The following PCDH15 variants were observed in gnomAD, a reference collection of about 807,000 sequenced individuals.
PCDH15 encodes the protein protocadherin related 15.
In PCDH15, 129 loss-of-function variants were observed where a neutral mutation model predicts 178.5. That is an observed-to-expected ratio of 0.72 (90% CI 0.63 to 0.84). The LOEUF (loss-of-function observed/expected upper bound fraction) is 0.84, where lower values mean the gene tolerates loss of function less well. PCDH15 is among the 40% of genes least tolerant of loss of function. The probability of loss-of-function intolerance (pLI) is 0.00; values close to 1 mark genes in which losing one functional copy is unlikely to be tolerated. For synonymous variants in PCDH15, 800 were observed against 732.0 expected (o/e 1.09, Z -1.50); for missense variants, 2,230 against 2,099.9 (o/e 1.06, Z -1.21).
intron 14 of PCDH15, 150 bp from the exon 15 acceptor site, chr10:54,133,157 A>C: frequency 1.1e-6 from 1 of 918,230 alleles, no homozygotes; most frequent in Admixed American, 2.2e-5. Flanking sequence ...GGATAGAAAA[A>C]ACTACCACCA....
intron 2 of PCDH15, chr10:54,641,214 A>G (rs2093979874): frequency 1.3e-5 from 2 of 157,748 alleles, no homozygotes; most frequent in African/African-American, 4.8e-5. Context: ...GAACATCATC[A>G]TAAAACAATT....
At chr10:54,377,048 A>T (rs868292147) in intron 4 of PCDH15, among the ~76,000 whole-genome samples, 15 of 152,142 alleles carry the variant, frequency 9.9e-5, no homozygotes, top group South Asian at 2.1e-4. Flanking sequence ...ATTTGTTTGC[A>T]TTATAATTTT....
chr10:55,331,191 A>T (rs1485606053), intron 2 of PCDH15, among the ~76,000 whole-genome samples: 2 of 151,884 alleles, frequency 1.3e-5, no homozygotes, highest in Non-Finnish European at 2.9e-5. Flanking sequence ...TAGTGTCACC[A>T]TCTGAGTGTA....
chr10:54,949,874 T>C (rs1377497260), intron 2 of PCDH15, among the ~76,000 whole-genome samples: 1 of 151,952 alleles, frequency 6.6e-6, no homozygotes, highest in Admixed American at 6.6e-5. Context: ...TCCTCATCTC[T>C]ATATGAGACC....
At chr10:55,225,654 A>T (rs1592002188) in intron 1 of PCDH15, among the ~76,000 whole-genome samples, 1 of 150,638 alleles carries the variant, frequency 6.6e-6, no homozygotes, top group African/African-American at 2.4e-5. Flanking sequence ...TGTGTGTGAG[A>T]GAGAGAGAGA....
chr10:54,853,386 T>TACATATATATACACAC (rs1953675802), intron 3 of PCDH15, among the ~76,000 whole-genome samples: 1 of 79,132 alleles, frequency 1.3e-5, no homozygotes, highest in South Asian at 4.7e-4. Context: ...TACACATACA[T>TACATATATATACACAC]ACATATATAT....
intron 2 of PCDH15, among the ~76,000 whole-genome samples, chr10:55,020,074 G>C (rs769097488): frequency 6.7e-6 from 1 of 149,108 alleles, no homozygotes; most frequent in Non-Finnish European, 1.5e-5. Context: ...AAATCGTAGT[G>C]GATTAATATT....
chr10:54,509,172 G>C (rs1452375702), intron 3 of PCDH15, among the ~76,000 whole-genome samples: 1 of 151,868 alleles, frequency 6.6e-6, no homozygotes, highest in African/African-American at 2.4e-5. Context: ...AGTTTGATAT[G>C]GTTTCTCTGT....
intron 9 of PCDH15, among the ~76,000 whole-genome samples, chr10:54,219,801 T>C (rs2052581450): frequency 1.3e-5 from 2 of 151,964 alleles, no homozygotes; most frequent in Admixed American, 1.3e-4. Flanking sequence ...AGGATTGTTA[T>C]ACTTTTTATT....
chr10:54,528,966 G>A (rs1336572728), intron 2 of PCDH15, among the ~76,000 whole-genome samples: 2 of 151,880 alleles, frequency 1.3e-5, no homozygotes, highest in East Asian at 3.9e-4. Flanking sequence ...AGGCAGAGAG[G>A]GCTATGTCAT....
intron 9 of PCDH15, among the ~76,000 whole-genome samples, chr10:54,231,816 G>A (rs1185084837): frequency 6.6e-6 from 1 of 152,178 alleles, no homozygotes; most frequent in Non-Finnish European, 1.5e-5. Flanking sequence ...ACTTCCATGG[G>A]GACTGTAGAC....
intron 19 of PCDH15, among the ~76,000 whole-genome samples, chr10:54,022,459 A>G (rs1399167798): frequency 8.5e-6 from 1 of 117,340 alleles, no homozygotes; most frequent in Admixed American, 9.3e-5. Context: ...AACCCACACA[A>G]ATTCATATAT....
intron 35 of PCDH15, among the ~76,000 whole-genome samples, chr10:53,814,679 A>C (rs2075996731): frequency 6.6e-6 from 1 of 152,010 alleles, no homozygotes; most frequent in Non-Finnish European, 1.5e-5. Context: ...AAATTTGAGG[A>C]AAGAGCCCGG....
intron 25 of PCDH15, among the ~76,000 whole-genome samples, chr10:53,905,397 G>A (rs561338609): frequency 8.5e-5 from 13 of 152,206 alleles, no homozygotes; most frequent in Middle Eastern, 3.4e-3. Context: ...GCAGTGGCAC[G>A]ATCTCGGCTC....
intron 2 of PCDH15, among the ~76,000 whole-genome samples, chr10:54,909,922 T>C (rs1437034931): frequency 3.3e-5 from 5 of 152,054 alleles, no homozygotes; most frequent in African/African-American, 1.2e-4. Context: ...CAGGGGGGTC[T>C]CAGGGGAAGG....
chr10:54,857,361 A>G (rs1251100098), intron 3 of PCDH15, among the ~76,000 whole-genome samples: 1 of 152,254 alleles, frequency 6.6e-6, no homozygotes, highest in African/African-American at 2.4e-5. Flanking sequence ...TCATTTAATA[A>G]TGGCTGAATC....
At chr10:54,462,984 A>C (rs1052530068) in intron 3 of PCDH15, among the ~76,000 whole-genome samples, 1 of 152,144 alleles carries the variant, frequency 6.6e-6, no homozygotes, top group South Asian at 2.1e-4. Flanking sequence ...ACATAAAACA[A>C]TATCCTAAGT....
intron 2 of PCDH15, among the ~76,000 whole-genome samples, chr10:54,662,552 T>C (rs2094507375): frequency 6.6e-6 from 1 of 151,978 alleles, no homozygotes; most frequent in Non-Finnish European, 1.5e-5. Context: ...GATAATCTCA[T>C]ATTAGAGGCA....
At chr10:55,492,242 A>T (rs1332004994) in intron 2 of PCDH15, among the ~76,000 whole-genome samples, 1 of 151,788 alleles carries the variant, frequency 6.6e-6, no homozygotes, top group African/African-American at 2.4e-5. Context: ...AAAGAAAAAA[A>T]AATTATCTCT....
Sources: gnomAD v4.1 joint callset for allele counts (sites outside exome capture counted in the v4.1 genomes callset) on GRCh38, gnomAD v4.1.1 for gene constraint, MANE v1.5 for transcripts, NCBI Gene and HGNC (gene_info 2026-07-23, HGNC 2026-07-21) for gene names.